MICU1: variants seen among roughly 807,000 people sequenced by gnomAD.
MICU1 encodes calcium uptake protein 1, mitochondrial.
A neutral mutation model predicts 56.8 loss-of-function variants in MICU1; 45 were observed. The observed-to-expected ratio is 0.79, with a 90% CI of 0.62 to 1.02. The LOEUF is 1.02. MICU1 is among the 50% of genes least tolerant of loss of function. The probability of loss-of-function intolerance (pLI) is 0.00; values close to 1 mark genes in which losing one functional copy is unlikely to be tolerated. For synonymous variants in MICU1, 186 were observed against 195.1 expected, an observed-to-expected ratio of 0.95 and a Z score of 0.39; for missense variants, 504 against 587.1, an observed-to-expected ratio of 0.86 and a Z score of 1.46.
intron 2 of MICU1, among the ~76,000 whole-genome samples, chr10:72,566,039 C>CTTTTTTTTTT (rs11376019): frequency 1.1e-4 from 8 of 69,840 alleles, no homozygotes; most frequent in Admixed American, 2.1e-4. Flanking sequence ...CATTCATTTT[C>CTTTTTTTTTT]TTTTTTTTTT....
chr10:72,593,802 G>C (rs1475561387), intron 1 of MICU1, among the ~76,000 whole-genome samples: 1 of 152,048 alleles, frequency 6.6e-6, no homozygotes, highest in Non-Finnish European at 1.5e-5. Flanking sequence ...AAAATCTTTA[G>C]GTATTAACCA....
At chr10:72,473,741 T>C (rs1243971393) in intron 8 of MICU1, among the ~76,000 whole-genome samples, 4 of 152,112 alleles carry the variant, frequency 2.6e-5, no homozygotes, top group Admixed American at 2.6e-4. Context: ...CTCATCAGTG[T>C]TACAACAAAA....
intron 4 of MICU1, among the ~76,000 whole-genome samples, chr10:72,549,192 T>G (rs769231836): frequency 3.8e-5 from 5 of 130,876 alleles, no homozygotes; most frequent in Admixed American, 7.6e-5. Context: ...TTTTTTTTGG[T>G]TTTTTTTTTT....
chr10:72,395,170 C>T (rs1225203532), intron 10 of MICU1, among the ~76,000 whole-genome samples: 1 of 152,086 alleles, frequency 6.6e-6, no homozygotes, highest in Admixed American at 6.5e-5. Flanking sequence ...TAGAGTGAGA[C>T]TCCATCTCAA....
chr10:72,451,990 G>C (rs1467851374), intron 8 of MICU1, among the ~76,000 whole-genome samples: 1 of 152,018 alleles, frequency 6.6e-6, no homozygotes, highest in Non-Finnish European at 1.5e-5. Flanking sequence ...TCAGCCTCCT[G>C]AGTATCTGGG....
At chr10:72,393,424 C>T (rs932220450) in intron 10 of MICU1, among the ~76,000 whole-genome samples, 2 of 152,236 alleles carry the variant, frequency 1.3e-5, no homozygotes, top group South Asian at 2.1e-4. Context: ...CATGGAGATC[C>T]CAGGCAAGAG....
intron 5 of MICU1, among the ~76,000 whole-genome samples, chr10:72,517,730 T>TA (rs1867691905): frequency 6.6e-6 from 1 of 151,710 alleles, no homozygotes; most frequent in East Asian, 1.9e-4. Flanking sequence ...CTAAAGAACT[T>TA]ACTCATGGAA....
intron 8 of MICU1, among the ~76,000 whole-genome samples, chr10:72,459,519 G>A (rs1865584199): frequency 6.6e-6 from 1 of 152,072 alleles, no homozygotes; most frequent in African/African-American, 2.4e-5. Context: ...TCCTTAGCTG[G>A]ATATGAGGGT....
At chr10:72,584,172 C>T (rs994916853) in intron 1 of MICU1, among the ~76,000 whole-genome samples, 2 of 152,126 alleles carry the variant, frequency 1.3e-5, no homozygotes, top group African/African-American at 4.8e-5. Flanking sequence ...CTCTCTGAAA[C>T]AGTCCTTTAT....
chr10:72,615,366 C>T (rs902062321), intron 1 of MICU1, among the ~76,000 whole-genome samples: 1 of 152,170 alleles, frequency 6.6e-6, no homozygotes, highest in African/African-American at 2.4e-5. Context: ...AATCTTCCCG[C>T]CTTGGCCTCC....
chr10:72,497,374 T>C (rs1328474599), intron 6 of MICU1, among the ~76,000 whole-genome samples: 2 of 152,114 alleles, frequency 1.3e-5, no homozygotes, highest in Non-Finnish European at 2.9e-5. Context: ...AGCATCTTTA[T>C]AAGTTGTTCC....
rs150744115 is a variant in MICU1 at position 72,550,169 on chromosome 10, A to G, written c.493+1010T>C. On this transcript the variant is annotated intron_variant, in intron 4 of 11. Coordinates refer to ENST00000361114, the MANE Select transcript of MICU1 (RefSeq NM_001195518.2). Reference sequence around the variant, plus strand: ...TGTAGTCTAAGTATACAACGTTTATAAAATCTACAGGTGCACTATTTTCCA... The same window carrying G: ...TGTAGTCTAAGTATACAACGTTTATGAAATCTACAGGTGCACTATTTTCCA... 2.7e-3 allele frequency among the ~76,000 whole-genome samples: 416 copies of G among 152,316 alleles called. 1 individual carries two copies. Among genetic ancestry groups the G allele is most frequent in the African/African-American group, 9.5e-3 (397 of 41,576 alleles).
chr10:72,559,083 G>C (rs1211168856), intron 3 of MICU1, among the ~76,000 whole-genome samples: 3 of 152,058 alleles, frequency 2.0e-5, no homozygotes, highest in African/African-American at 7.2e-5. Flanking sequence ...CTCTATTCCA[G>C]AGGCTGAGAC....
intron 1 of MICU1, among the ~76,000 whole-genome samples, chr10:72,606,222 A>G (rs1385398203): frequency 6.6e-6 from 1 of 151,974 alleles, no homozygotes; most frequent in Admixed American, 6.6e-5. Context: ...ATTAAAATTA[A>G]AAAGTAAGGC....
rs1246281686 is a variant in MICU1 at position 72,533,761 on chromosome 10, T to G, written c.522A>C (p.Lys174Asn). 6.2e-7 allele frequency: 1 copy of G among 1,602,198 alleles called. No individual in the cohort carries two copies. The highest frequency in any genetic ancestry group is 1.7e-5 in the Admixed American group (1 of 58,942). The change falls in exon 5 of 12, where the codon AAA (lysine) becomes AAC (asparagine). Residue 174 changes from lysine to asparagine, a missense_variant. Physicochemically the swap from Lys to Asn is moderately conservative, Grantham distance 94. Coordinates refer to ENST00000361114, the MANE Select transcript of MICU1 (RefSeq NM_001195518.2). ...EHLGLDQYII[K>N]RFDGKKISQE... ...GTTTGCTCACCTTTCCATCAAAGCGTTTTATTATATATTGATCCAGACCCA... is the reference window on the plus strand; with the variant it reads ...GTTTGCTCACCTTTCCATCAAAGCGGTTTATTATATATTGATCCAGACCCA...
In MICU1 at chr10:72,623,864, C is replaced by T. The variant is rs116293965; in HGVS notation, c.-2+2146G>A. On this transcript the variant is annotated intron_variant, in intron 1 of 11. Coordinates refer to ENST00000361114, the MANE Select transcript of MICU1 (RefSeq NM_001195518.2). Reference sequence around the variant, plus strand: ...CACCCCTCAACAAAAGGACCAGCCTCGGCAAAATGGCTGAACCCCATCTCC... The same window carrying T: ...CACCCCTCAACAAAAGGACCAGCCTTGGCAAAATGGCTGAACCCCATCTCC... 2.2e-3 allele frequency among the ~76,000 whole-genome samples: 339 copies of T among 150,748 alleles called. 1 individual carries two copies. The highest frequency in any genetic ancestry group is 7.4e-3 in the African/African-American group (301 of 40,910).
Position 72,508,141 on chromosome 10 carries a change from A to G in MICU1, c.652+14T>C. ...TCTGCTCTACAAATGGAAAAAGAAAACGTTTATACTTACTGGAAAGAACAG... is the reference window on the plus strand; with the variant it reads ...TCTGCTCTACAAATGGAAAAAGAAAGCGTTTATACTTACTGGAAAGAACAG... On this transcript the variant is annotated intron_variant, in intron 6 of 11. Transcript: ENST00000361114. 7.3e-7 allele frequency: 1 copy of G among 1,365,078 alleles called. No homozygotes were observed. The highest frequency in any genetic ancestry group is 9.8e-7 in the Non-Finnish European group (1 of 1,015,562). The allele number at this position is 1,365,078 out of a possible 1,614,324, so 84.6% of individuals were successfully genotyped here. A position where few individuals can be genotyped will look rare whatever the true frequency, so the allele number is the denominator to read the frequency against.
intron 8 of MICU1, among the ~76,000 whole-genome samples, chr10:72,428,517 T>G (rs1052521262): frequency 5.9e-5 from 9 of 152,210 alleles, no homozygotes; most frequent in Non-Finnish European, 1.2e-4. Flanking sequence ...TTTCACCAAG[T>G]TGGCCAGGCT....
chr10:72,510,821 C>A (rs540615252), intron 5 of MICU1, among the ~76,000 whole-genome samples: 30 of 152,080 alleles, frequency 2.0e-4, no homozygotes, highest in African/African-American at 7.2e-4. Flanking sequence ...TTAGTAGAGA[C>A]GGGTTTTGCC....
Sources: allele counts gnomAD v4.1 joint callset (sites outside exome capture counted in the v4.1 genomes callset), GRCh38; gene constraint gnomAD v4.1.1; transcripts MANE v1.5; gene names NCBI Gene and HGNC (gene_info 2026-07-23, HGNC 2026-07-21).